SORL1: variants seen among roughly 807,000 people sequenced by gnomAD.
SORL1 encodes sortilin-related receptor.
A neutral mutation model predicts 273.7 loss-of-function variants in SORL1; 127 were observed. The observed-to-expected ratio is 0.46, with a 90% CI of 0.40 to 0.54. SORL1 has a LOEUF of 0.54. Ranked by LOEUF, SORL1 falls within the 20% of genes least tolerant of loss-of-function variation. The pLI is 0.00. For synonymous variants in SORL1, 1,031 were observed against 1,067.4 expected (o/e 0.97, Z 0.66); for missense variants, 2,494 against 2,846.1 (o/e 0.88, Z 2.81).
intron 22 of SORL1, among the ~76,000 whole-genome samples, chr11:121,567,932 G>T (rs141736656): frequency 3.3e-5 from 5 of 152,112 alleles, no homozygotes; most frequent in African/African-American, 7.2e-5. Context: ...AAGAGACAGG[G>T]TCTTGCTGTA....
chr11:121,586,314 G>A lies in SORL1; in HGVS notation c.3799G>A (p.Asp1267Asn), dbSNP rs1863107585. 3.1e-6 allele frequency: 5 copies of A among 1,613,770 alleles called. No homozygotes were observed. The highest frequency in any genetic ancestry group is 3.4e-6 in the Non-Finnish European group (4 of 1,179,636). The stretch of plus-strand genomic sequence containing the variant: ...TCTGCGTGATTGCTCTGATGGCTCC[G>A]ATGAACAGCACTGCGGTGAGTTCAT... ...DGLRDCSDGS[D>N]EQHCEPLCTH... Residue 1267 changes from aspartate (D) to asparagine (N), a missense_variant, in exon 27 of 48, where the codon GAT becomes AAT. Asp to Asn is a conservative substitution (Grantham distance 23, BLOSUM62 1). Transcript: ENST00000260197.
chr11:121,528,660 C>T (rs1862158742), intron 11 of SORL1, among the ~76,000 whole-genome samples: 1 of 152,038 alleles, frequency 6.6e-6, no homozygotes, highest in Non-Finnish European at 1.5e-5. Flanking sequence ...ATTTAATTTG[C>T]AGGTATTTGG....
chr11:121,492,846 C>T (rs542060866), intron 5 of SORL1, among the ~76,000 whole-genome samples: 1 of 151,554 alleles, frequency 6.6e-6, no homozygotes, highest in Non-Finnish European at 1.5e-5. Context: ...CTCTGTTGCC[C>T]AGGCTGGAGT....
At chr11:121,519,279 T>C (rs1862000283) in intron 8 of SORL1, among the ~76,000 whole-genome samples, 1 of 152,234 alleles carries the variant, frequency 6.6e-6, no homozygotes, top group Non-Finnish European at 1.5e-5. Flanking sequence ...CTATGAACCC[T>C]GGTTACAATT....
intron 6 of SORL1, among the ~76,000 whole-genome samples, chr11:121,498,926 C>T (rs1393251835): frequency 6.6e-6 from 1 of 151,506 alleles, no homozygotes; most frequent in Non-Finnish European, 1.5e-5. Context: ...GCCCTCCATT[C>T]TAGTCTAACA....
At position 121,595,898 on chromosome 11, in the gene SORL1, C is replaced by T. The variant is rs1396295263; in HGVS notation, c.4519+126C>T. On this transcript the variant is annotated intron_variant, in intron 32 of 47. Coordinates refer to ENST00000260197, the MANE Select transcript of SORL1 (RefSeq NM_003105.6). The surrounding 1 kb of genome is among the most constrained non-coding windows in gnomAD (Gnocchi z 5.1). The stretch of plus-strand genomic sequence containing the variant: ...GAGTCTGTGTACTTGCGTAACCATG[C>T]TCTTACTGCATTCTCCACAAGCGCT... The T allele has an allele frequency of 1.2e-5, 12 of 1,008,050 alleles. No individual in the cohort carries two copies. The East Asian group carries it at 3.2e-4, about 27-fold the overall frequency. 62.4% of individuals were successfully genotyped at this position (1,008,050 alleles called of 1,614,324 possible).
intron 11 of SORL1, among the ~76,000 whole-genome samples, chr11:121,524,939 A>G (rs1862098871): frequency 6.6e-6 from 1 of 151,662 alleles, no homozygotes; most frequent in African/African-American, 2.4e-5. Context: ...AATAATTTTT[A>G]TTTCTTTTAT....
Position 121,543,529 on chromosome 11 carries a change from C to G in SORL1, c.1686-19C>G. The G allele has an allele frequency of 6.3e-7, 1 of 1,589,738 alleles. No individual in the cohort carries two copies. Among genetic ancestry groups the G allele is most frequent in the South Asian group, 1.1e-5 (1 of 90,254 alleles). ...TAGAGACTTTCACTGCAAGGATTCTCTTACTTGCATTTGGGCAGATACAGT... is the reference window on the plus strand; with the variant it reads ...TAGAGACTTTCACTGCAAGGATTCTGTTACTTGCATTTGGGCAGATACAGT... On this transcript the variant is annotated intron_variant, in intron 12 of 47. Transcript: ENST00000260197.
At chr11:121,584,719 G>T (rs1018074082) in intron 26 of SORL1, among the ~76,000 whole-genome samples, 7 of 152,208 alleles carry the variant, frequency 4.6e-5, no homozygotes, top group Non-Finnish European at 8.8e-5. Flanking sequence ...AGCCTCCTGA[G>T]TAGCTGGGAC....
chr11:121,586,158 C>G, intron 26 of SORL1, 64 bp from the exon 27 acceptor site: 1 of 1,333,808 alleles, frequency 7.5e-7, no homozygotes, highest in South Asian at 1.2e-5. Flanking sequence ...CCCGCCAGCA[C>G]TGTGTGTGAG....
intron 1 of SORL1, among the ~76,000 whole-genome samples, chr11:121,459,644 A>G (rs925678882): frequency 6.6e-6 from 1 of 152,210 alleles, no homozygotes; most frequent in Admixed American, 6.5e-5. Context: ...CCTTGCGCAA[A>G]CACTGCACTT....
chr11:121,558,918 T>G, intron 20 of SORL1, 81 bp downstream of exon 20: 1 of 1,546,630 alleles, frequency 6.5e-7, no homozygotes, highest in Non-Finnish European at 8.8e-7. Context: ...TCCCTGGGCT[T>G]TGCAGAGAAG....
intron 26 of SORL1, 76 bp from the exon 27 acceptor site, chr11:121,586,143 GTAC>G: frequency 5.3e-6 from 6 of 1,130,658 alleles, no homozygotes; most frequent in Non-Finnish European, 8.1e-6. Flanking sequence ...GTACCAGTGT[GTAC>G]TCCCGCCAGC....
At chr11:121,586,700 G>T (rs1250392925) in intron 27 of SORL1, among the ~76,000 whole-genome samples, 6 of 11,058 alleles carry the variant, frequency 5.4e-4, no homozygotes, top group Non-Finnish European at 2.3e-3. Context: ...GAGTGGGGGG[G>T]GGGGCGGGGG....
intron 19 of SORL1, among the ~76,000 whole-genome samples, chr11:121,557,900 G>T (rs752617758): frequency 2.0e-5 from 3 of 152,092 alleles, no homozygotes; most frequent in Non-Finnish European, 4.4e-5. Flanking sequence ...TGACATTCTG[G>T]CTTTTCCTCT....
At chr11:121,536,854 A>G (rs1862275127) in intron 12 of SORL1, among the ~76,000 whole-genome samples, 1 of 152,142 alleles carries the variant, frequency 6.6e-6, no homozygotes, top group African/African-American at 2.4e-5. Flanking sequence ...AAGAGGTCTT[A>G]TTCCTGATGA....
intron 20 of SORL1, 134 bp downstream of exon 20, chr11:121,558,971 T>A (rs983553188): frequency 1.0e-5 from 12 of 1,163,510 alleles, no homozygotes; most frequent in African/African-American, 4.7e-5. Context: ...AAATTTGAGA[T>A]AACTTATTTT....
chr11:121,543,681 G>T lies in SORL1; in HGVS notation c.1819G>T (p.Val607Phe), dbSNP rs1351192019. The T allele has an allele frequency of 1.2e-6, 2 of 1,614,078 alleles. No individual in the cohort carries two copies. The highest frequency in any genetic ancestry group is 1.7e-6 in the Non-Finnish European group (2 of 1,179,992). ...FTIFGSNKEN[V>F]HSWLILQVNA... ...CATCTTTGGCTCGAACAAAGAGAAT[G>T]TCCACAGCTGGCTGATCCTCCAGGT... is the stretch of plus-strand genomic sequence containing the variant. The change falls in exon 13 of 48, where the codon GTC (valine) becomes TTC (phenylalanine). Residue 607 changes from valine to phenylalanine, a missense_variant. Physicochemically the swap from Val to Phe is conservative, Grantham distance 50. Coordinates refer to ENST00000260197, the MANE Select transcript of SORL1 (RefSeq NM_003105.6).
At chr11:121,456,009 A>AAC in intron 1 of SORL1, among the ~76,000 whole-genome samples, 1 of 151,116 alleles carries the variant, frequency 6.6e-6, no homozygotes, top group East Asian at 1.9e-4. Context: ...AAAAAAAAAA[A>AAC]GGCAAAGTTT....
Sources: gnomAD v4.1 joint callset for allele counts (sites outside exome capture counted in the v4.1 genomes callset) on GRCh38, gnomAD v4.1.1 for gene constraint, Gnocchi (gnomAD v3.1) non-coding constraint, MANE v1.5 for transcripts, NCBI Gene and HGNC (gene_info 2026-07-23, HGNC 2026-07-21) for gene names.